Variants in ZNF99 observed in about 807,000 individuals in gnomAD.
ZNF99 encodes the protein zinc finger protein 99, also known as zinc finger protein ENSP00000375192.
In ZNF99, 8 loss-of-function variants were observed where a neutral mutation model predicts 12.8. That is an observed-to-expected ratio of 0.62 (90% CI 0.37 to 1.13). The LOEUF is 1.13. ZNF99 is among the 50% of genes most tolerant of loss of function. The pLI, the probability that ZNF99 is intolerant of heterozygous loss-of-function variation, is 0.02. For synonymous variants in ZNF99, 318 were observed against 319.0 expected, an observed-to-expected ratio of 1.00 and a Z score of 0.03; for missense variants, 1,007 against 1,006.2, an observed-to-expected ratio of 1.00 and a Z score of -0.01.
rs773560370 is a variant in ZNF99 at position 22,759,680 on chromosome 19, T to A, written c.229A>T (p.Ile77Phe). Residue 77 changes from isoleucine (I) to phenylalanine (F), a missense_variant and splice_region_variant, in exon 4 of 4, where the codon ATT becomes TTT. Ile to Phe is a conservative substitution (Grantham distance 21). Transcript: ENST00000596209. ...AAGTCTTGTGTAAAATGAGAACTAATAACTGGAAGAAATGAAAATAATAAA... is the reference window on the plus strand; with the variant it reads ...AAGTCTTGTGTAAAATGAGAACTAAAAACTGGAAGAAATGAAAATAATAAA... ...RHEMVTKPPV[I>F]SSHFTQDFWP... 4.7e-5 allele frequency: 71 copies of A among 1,518,638 alleles called. No individual in the cohort carries two copies. The highest frequency in any genetic ancestry group is 6.0e-5 in the Non-Finnish European group (68 of 1,138,934). 94.1% of individuals were successfully genotyped at this position (1,518,638 alleles called of 1,614,324 possible). A position where few individuals can be genotyped will look rare whatever the true frequency, so the allele number is the denominator to read the frequency against.
chr19:22,755,462 T>C lies in ZNF99; in HGVS notation c.*1852A>G. 3.5e-6 allele frequency: 1 copy of C among 285,220 alleles called. No individual in the cohort carries two copies. 17.7% of individuals were successfully genotyped at this position (285,220 alleles called of 1,614,324 possible). A position where few individuals can be genotyped will look rare whatever the true frequency, so the allele number is the denominator to read the frequency against. On this transcript the variant is annotated 3_prime_UTR_variant, in exon 4 of 4. Transcript: ENST00000596209. ...CCACACTCTTCACATGAGGCGGGTT[T>C]CTCTCTAATTTATCTTATATTCAGT...
intron 1 of ZNF99, among the ~76,000 whole-genome samples, chr19:22,775,998 G>A (rs1973322000): frequency 6.6e-6 from 1 of 151,922 alleles, no homozygotes; most frequent in South Asian, 2.1e-4. Context: ...CTCGAGCCTA[G>A]GCAACAAGAG....
rs535156497 is a variant in ZNF99, at chr19:22,759,438, A to G, written c.471T>C (p.Tyr157=). The change falls in exon 4 of 4, where the codon TAT becomes TAC. Residue 157 remains tyrosine, a synonymous_variant. Transcript: ENST00000596209. ...CNKYVKVFHK[Y]SNSNRYKIRH... ...TAATCTTATATCTATTTGAATTTGAATATTTATGAAAGACTTTCACATATT... is the reference window on the plus strand; with the variant it reads ...TAATCTTATATCTATTTGAATTTGAGTATTTATGAAAGACTTTCACATATT... 8.8e-6 allele frequency: 14 copies of G among 1,593,798 alleles called. No homozygotes were observed. The East Asian group carries it at 3.1e-4, about 36-fold the overall frequency.
At chr19:22,767,158 G>A (rs931582377) in intron 3 of ZNF99, among the ~76,000 whole-genome samples, 1 of 151,310 alleles carries the variant, frequency 6.6e-6, no homozygotes, top group African/African-American at 2.4e-5. Context: ...AATGGCATGG[G>A]CCTGTAACCC....
At chr19:22,762,786 A>G (rs1973164346) in intron 3 of ZNF99, among the ~76,000 whole-genome samples, 1 of 152,328 alleles carries the variant, frequency 6.6e-6, no homozygotes, top group Non-Finnish European at 1.5e-5. Context: ...AACAGAATCC[A>G]TGATCAAGTG....
intron 3 of ZNF99, among the ~76,000 whole-genome samples, chr19:22,761,738 C>G (rs1973152931): frequency 1.3e-5 from 2 of 152,050 alleles, no homozygotes; most frequent in African/African-American, 4.8e-5. Context: ...GTATGATAAG[C>G]CACAAAATGA....
intron 1 of ZNF99, among the ~76,000 whole-genome samples, chr19:22,782,651 C>A (rs1264520345): frequency 6.8e-6 from 1 of 146,148 alleles, no homozygotes. Context: ...CATGAACCAC[C>A]GCACCTGGCC....
At position 22,754,188 on chromosome 19, in the gene ZNF99, G is replaced by A. The variant is rs536103262; in HGVS notation, c.*3126C>T. 6.7e-6 allele frequency: 3 copies of A among 446,892 alleles called. No individual in the cohort carries two copies. The highest frequency in any genetic ancestry group is 3.1e-5 in the South Asian group (2 of 63,836). 27.7% of individuals were successfully genotyped at this position (446,892 alleles called of 1,614,324 possible). ...TCAAAACCAGCCTGGTCAAAATGGT[G>A]AAACCCCGTCTCTACTAAAAATACA... On this transcript the variant is annotated 3_prime_UTR_variant, in exon 4 of 4. Coordinates refer to ENST00000596209, the MANE Select transcript of ZNF99 (RefSeq NM_001080409.3).
chr19:22,758,430 G>A lies in ZNF99; in HGVS notation c.1479C>T (p.Ser493=). 3.1e-6 allele frequency: 5 copies of A among 1,612,396 alleles called. No homozygotes were observed. Among genetic ancestry groups the A allele is most frequent in the Non-Finnish European group, 4.2e-6 (5 of 1,179,520 alleles). ...TTACCTTATGTACAGTAAGTTTTGA[G>A]GACCACTTAAAAGCTTTACCACATT... The part of the protein sequence containing the change: ...CEECGKAFKW[S]SKLTVHKVIH... Residue 493 remains serine, a synonymous_variant, in exon 4 of 4, where the codon TCC becomes TCT. Transcript: ENST00000596209.
At chr19:22,767,248 T>C (rs901564453) in intron 3 of ZNF99, among the ~76,000 whole-genome samples, 21 of 152,066 alleles carry the variant, frequency 1.4e-4, no homozygotes, top group African/African-American at 3.9e-4. Flanking sequence ...GATTACACCA[T>C]TGCAAAACAG....
At position 22,769,241 on chromosome 19, in the gene ZNF99, A is replaced by G; in HGVS notation, c.87T>C (p.Tyr29=). Residue 29 remains tyrosine (Y), a synonymous_variant, in exon 2 of 4, where the codon TAT becomes TAC. Transcript: ENST00000596209. ...QCLDMAQQNL[Y]RNVMLENYRN... ...TGTAGTTCTCTAACATAACATTCCT[A>G]TATAAATTCTGCTGAGCCATGTCCA... The G allele has an allele frequency of 6.2e-7, 1 of 1,609,892 alleles. No individual in the cohort carries two copies. Among genetic ancestry groups the G allele is most frequent in the South Asian group, 1.1e-5 (1 of 90,936 alleles).
Position 22,756,513 on chromosome 19 carries a change from A to G in ZNF99, c.*801T>C, listed in dbSNP as rs762878569. 2 of 1,594,856 alleles carry G rather than the reference A, an allele frequency of 1.3e-6. No individual in the cohort carries two copies. The highest frequency in any genetic ancestry group is 1.7e-6 in the Non-Finnish European group (2 of 1,173,160). On this transcript the variant is annotated 3_prime_UTR_variant, in exon 4 of 4. Coordinates refer to ENST00000596209, the MANE Select transcript of ZNF99 (RefSeq NM_001080409.3). The stretch of plus-strand genomic sequence containing the variant: ...TAGTAAGGCGTGAGAAATGGCTAAA[A>G]GCTTTGCCACGTTCTTCACATTTGT...
At chr19:22,781,033 A>G (rs572433859) in intron 1 of ZNF99, among the ~76,000 whole-genome samples, 3 of 152,326 alleles carry the variant, frequency 2.0e-5, no homozygotes, top group Non-Finnish European at 2.9e-5. Flanking sequence ...GAAAATTCCT[A>G]AAGTCATTCT....
At chr19:22,761,014 A>G (rs575425235) in intron 3 of ZNF99, among the ~76,000 whole-genome samples, 2 of 152,144 alleles carry the variant, frequency 1.3e-5, no homozygotes, top group South Asian at 4.2e-4. Context: ...GAAGACTGTA[A>G]CAGGTAGCTT....
At chr19:22,775,971 G>A (rs977496355) in intron 1 of ZNF99, among the ~76,000 whole-genome samples, 13 of 152,116 alleles carry the variant, frequency 8.5e-5, no homozygotes, top group African/African-American at 3.1e-4. Context: ...GCAGTGTGCC[G>A]AGACTGTGCC....
intron 1 of ZNF99, among the ~76,000 whole-genome samples, chr19:22,774,657 G>T (rs1973306271): frequency 6.6e-6 from 1 of 152,108 alleles, no homozygotes; most frequent in African/African-American, 2.4e-5. Flanking sequence ...ATCATTTGAG[G>T]TCAGGAGTTG....
chr19:22,771,800 C>T (rs1352554668), intron 1 of ZNF99, among the ~76,000 whole-genome samples: 1 of 140,280 alleles, frequency 7.1e-6, no homozygotes, highest in African/African-American at 2.7e-5. Context: ...TCACTGCAAC[C>T]TCTGCCTCCC....
At position 22,776,408 on chromosome 19, in the gene ZNF99, GATATATATATATATATATATATATAT is replaced by G. The variant is rs55638958; in HGVS notation, c.4-7110_4-7085del. ...CATGAGCAAACTTTTTCCAAAATAA[GATATATATATATATATATATATATAT>G]ATATATATATATATATATATATATA... On this transcript the variant is annotated intron_variant, in intron 1 of 3. Transcript: ENST00000596209. 2.6e-3 allele frequency among the ~76,000 whole-genome samples: 182 copies of G among 69,646 alleles called. 3 individuals are homozygous for G. The highest frequency in any genetic ancestry group is 2.2e-3 in the Non-Finnish European group (77 of 35,536). The allele number at this position is 69,646 out of a possible 152,430, so 45.7% of individuals were successfully genotyped here.
intron 1 of ZNF99, chr19:22,769,908 AACATGT>A (rs1406056348): frequency 7.3e-7 from 1 of 1,361,030 alleles, no homozygotes; most frequent in African/African-American, 1.5e-5. Context: ...AGGGCATGAT[AACATGT>A]ACATTTTTGA....
Sources: allele counts gnomAD v4.1 joint callset (sites outside exome capture counted in the v4.1 genomes callset), GRCh38; gene constraint gnomAD v4.1.1; transcripts MANE v1.5; gene names NCBI Gene and HGNC (gene_info 2026-07-23, HGNC 2026-07-21).